Variants in LRFN5 observed in about 807,000 individuals in gnomAD.
LRFN5 encodes the protein leucine rich repeat and fibronectin type III domain containing 5.
A neutral mutation model predicts 45.6 loss-of-function variants in LRFN5; 24 were observed. The ratio of observed to expected loss-of-function variants is 0.53; its 90% confidence interval spans 0.38 to 0.74. LRFN5 has a LOEUF of 0.74. Ranked by LOEUF, LRFN5 falls within the 30% of genes least tolerant of loss-of-function variation. LRFN5 has a pLI of 0.00. For missense variants in LRFN5, 776 were observed against 861.5 expected (o/e 0.90, Z 1.24); for synonymous variants, 340 against 313.8 (o/e 1.08, Z -0.88).
chr14:41,856,771 G>T (rs1199561117), intron 2 of LRFN5, among the ~76,000 whole-genome samples: 2 of 136,680 alleles, frequency 1.5e-5, no homozygotes, highest in East Asian at 4.4e-4. Context: ...CCGCCTTCCG[G>T]GTTCACGCCA....
At chr14:41,860,614 T>C (rs1340016439) in intron 2 of LRFN5, among the ~76,000 whole-genome samples, 1 of 152,200 alleles carries the variant, frequency 6.6e-6, no homozygotes, top group Non-Finnish European at 1.5e-5. Flanking sequence ...AAACTGCTAT[T>C]TAAAAATTAA....
chr14:41,737,692 T>TC (rs1884501339), intron 1 of LRFN5, among the ~76,000 whole-genome samples: 1 of 152,096 alleles, frequency 6.6e-6, no homozygotes, highest in Non-Finnish European at 1.5e-5. Context: ...TCACAAGCAT[T>TC]CCTATGCACC....
chr14:41,692,585 G>T (rs894669773), intron 1 of LRFN5, among the ~76,000 whole-genome samples: 1 of 151,832 alleles, frequency 6.6e-6, no homozygotes, highest in African/African-American at 2.4e-5. Context: ...ACCACAACAG[G>T]CCCCAGTGTG....
At chr14:41,617,105 G>A (rs1457262961) in intron 1 of LRFN5, among the ~76,000 whole-genome samples, 1 of 152,052 alleles carries the variant, frequency 6.6e-6, no homozygotes, top group Non-Finnish European at 1.5e-5. Context: ...CATCCTCTGG[G>A]ACAAGCACAT....
intron 2 of LRFN5, among the ~76,000 whole-genome samples, chr14:41,811,617 AC>A (rs1319052984): frequency 1.3e-5 from 2 of 152,132 alleles, no homozygotes; most frequent in African/African-American, 4.8e-5. Flanking sequence ...GATATGTACT[AC>A]AAAGTGCATG....
intron 2 of LRFN5, among the ~76,000 whole-genome samples, chr14:41,846,805 G>GTC (rs1889084903): frequency 6.6e-6 from 1 of 152,072 alleles, no homozygotes; most frequent in South Asian, 2.1e-4. Context: ...TATTGAGGTT[G>GTC]TAAGGACTGT....
At chr14:41,751,992 T>A (rs557659296) in intron 1 of LRFN5, among the ~76,000 whole-genome samples, 1 of 152,034 alleles carries the variant, frequency 6.6e-6, no homozygotes, top group Non-Finnish European at 1.5e-5. Context: ...TCAATTCCAA[T>A]CTATGAGTGA....
At chr14:41,639,270 A>C (rs901293651) in intron 1 of LRFN5, among the ~76,000 whole-genome samples, 1 of 152,140 alleles carries the variant, frequency 6.6e-6, no homozygotes, top group East Asian at 1.9e-4. Flanking sequence ...TTTGCCTTCA[A>C]AGGATGGACA....
chr14:41,818,452 A>G (rs945711651), intron 2 of LRFN5, among the ~76,000 whole-genome samples: 1 of 151,998 alleles, frequency 6.6e-6, no homozygotes, highest in Non-Finnish European at 1.5e-5. Context: ...TTTAATAACT[A>G]AATATATCAT....
At chr14:41,819,771 A>T (rs1888047869) in intron 2 of LRFN5, among the ~76,000 whole-genome samples, 1 of 152,062 alleles carries the variant, frequency 6.6e-6, no homozygotes, top group African/African-American at 2.4e-5. Context: ...ACCAGGAGAG[A>T]TAGCCTTCAT....
At chr14:41,711,185 T>TA (rs1248077396) in intron 1 of LRFN5, among the ~76,000 whole-genome samples, 1 of 152,194 alleles carries the variant, frequency 6.6e-6, no homozygotes, top group African/African-American at 2.4e-5. Flanking sequence ...AGGCAATACA[T>TA]ATGTACACCC....
At chr14:41,880,466 T>C (rs754519370) in intron 2 of LRFN5, among the ~76,000 whole-genome samples, 2 of 152,140 alleles carry the variant, frequency 1.3e-5, no homozygotes, top group African/African-American at 2.4e-5. Flanking sequence ...CTATTTTTTA[T>C]ACCATAAATT....
Position 41,892,743 on chromosome 14 carries a change from A to G in LRFN5, c.2098+781A>G, listed in dbSNP as rs969728803. 6 of 985,216 alleles carry G rather than the reference A, an allele frequency of 6.1e-6. No individual in the cohort carries two copies. The African/African-American group carries it at 7.0e-5, about 11-fold the overall frequency. 61.0% of individuals were successfully genotyped at this position (985,216 alleles called of 1,614,324 possible). A position where few individuals can be genotyped will look rare whatever the true frequency, so the allele number is the denominator to read the frequency against. ...AATGGTTGTAAGATATTTCTCCTCT[A>G]TGATACACCTTTTTCAGTGGAAAGA... On this transcript the variant is annotated intron_variant, in intron 4 of 5. Transcript: ENST00000298119.
chr14:41,824,025 AT>A (rs930251171), intron 2 of LRFN5, among the ~76,000 whole-genome samples: 1 of 151,744 alleles, frequency 6.6e-6, no homozygotes, highest in Non-Finnish European at 1.5e-5. Context: ...AACTCTGTTC[AT>A]TTTTTTAAGT....
chr14:41,771,073 T>G (rs368338177), intron 2 of LRFN5, among the ~76,000 whole-genome samples: 123 of 152,006 alleles, frequency 8.1e-4, no homozygotes, highest in African/African-American at 2.7e-3. Context: ...GAGCTGTACT[T>G]GGGCCCCTTT....
At chr14:41,853,381 T>C (rs181590614) in intron 2 of LRFN5, among the ~76,000 whole-genome samples, 1 of 152,024 alleles carries the variant, frequency 6.6e-6, no homozygotes, top group East Asian at 1.9e-4. Context: ...AATAGAGTCT[T>C]GGTCTAGGGA....
At chr14:41,803,745 C>T (rs1306615262) in intron 2 of LRFN5, among the ~76,000 whole-genome samples, 1 of 152,102 alleles carries the variant, frequency 6.6e-6, no homozygotes, top group Non-Finnish European at 1.5e-5. Context: ...ATGTAACTCC[C>T]TACTGGATTC....
At chr14:41,803,454 C>T (rs548602966) in intron 2 of LRFN5, among the ~76,000 whole-genome samples, 2 of 152,000 alleles carry the variant, frequency 1.3e-5, no homozygotes, top group East Asian at 3.9e-4. Flanking sequence ...TGGGCTCAAA[C>T]AATCCTTCAG....
rs373757414 is a variant in LRFN5 at position 41,898,382 on chromosome 14, T to C, written c.2099-535T>C. 2.7e-4 allele frequency among the ~76,000 whole-genome samples: 41 copies of C among 152,224 alleles called. No individual in the cohort carries two copies. In the East Asian group the frequency reaches 4.0e-3, roughly 15 times the overall value. On this transcript the variant is annotated intron_variant, in intron 4 of 5. Transcript: ENST00000298119. ...GTATTTAGAATGTTAGTGTCTTACA[T>C]AGGGACAAACAGGTACTTGTTAAAA...
Sources: gnomAD v4.1 joint callset for allele counts (sites outside exome capture counted in the v4.1 genomes callset) on GRCh38, gnomAD v4.1.1 for gene constraint, MANE v1.5 for transcripts, NCBI Gene and HGNC (gene_info 2026-07-23, HGNC 2026-07-21) for gene names.